RIN3: variants seen among roughly 807,000 people sequenced by gnomAD.
The protein encoded by RIN3 is Ras and Rab interactor 3, also known as RAB5 interacting protein 3.
In RIN3, 54 loss-of-function variants were observed where a neutral mutation model predicts 76.3. That is an observed-to-expected ratio of 0.71 (90% confidence interval 0.57 to 0.89). The LOEUF (loss-of-function observed/expected upper bound fraction) is 0.89, where lower values mean the gene tolerates loss of function less well. Among genes scored for constraint, RIN3 ranks in the 40% least tolerant of loss-of-function variants. The pLI is 0.00. For synonymous variants in RIN3, 576 were observed against 564.0 expected (o/e 1.02, Z -0.30); for missense variants, 1,256 against 1,322.1 (o/e 0.95, Z 0.78).
chr14:92,515,367 C>T (rs1291450772), intron 1 of RIN3: 5 of 619,066 alleles, frequency 8.1e-6, no homozygotes, highest in East Asian at 2.9e-5. Context: ...GGGGCCAGGG[C>T]GCTGGCCTCA....
intron 2 of RIN3, among the ~76,000 whole-genome samples, chr14:92,563,136 G>T (rs1209965965): frequency 6.6e-6 from 1 of 152,168 alleles, no homozygotes; most frequent in East Asian, 1.9e-4. Context: ...GAGGTGGGTG[G>T]ATCACCTGAG....
intron 2 of RIN3, among the ~76,000 whole-genome samples, chr14:92,560,512 G>C (rs865822273): frequency 6.6e-6 from 1 of 152,156 alleles, no homozygotes; most frequent in Non-Finnish European, 1.5e-5. Context: ...GATCTTACTT[G>C]ATCCTCAGCG....
chr14:92,630,555 G>C (rs1371329824), intron 4 of RIN3, among the ~76,000 whole-genome samples: 1 of 152,226 alleles, frequency 6.6e-6, no homozygotes, highest in Non-Finnish European at 1.5e-5. Context: ...CATGAATTGG[G>C]CCATAGGGGT....
At chr14:92,627,204 T>C (rs916950701) in intron 4 of RIN3, among the ~76,000 whole-genome samples, 4 of 152,192 alleles carry the variant, frequency 2.6e-5, no homozygotes, top group African/African-American at 9.7e-5. Flanking sequence ...TGACTGTGTG[T>C]GTGGCCCAAT....
intron 7 of RIN3, among the ~76,000 whole-genome samples, chr14:92,662,138 G>A (rs12432086): frequency 0.046 from 6,992 of 152,306 alleles, 557 homozygotes; most frequent in African/African-American, 0.16. Flanking sequence ...ATGAGGCGGA[G>A]GGTTAAGACC....
At chr14:92,583,817 G>A (rs1884655184) in intron 3 of RIN3, among the ~76,000 whole-genome samples, 1 of 152,190 alleles carries the variant, frequency 6.6e-6, no homozygotes, top group African/African-American at 2.4e-5. Context: ...GATGGGGGAT[G>A]GTTTCTGGGT....
intron 4 of RIN3, among the ~76,000 whole-genome samples, chr14:92,628,574 G>A (rs1043504022): frequency 2.0e-5 from 3 of 152,126 alleles, no homozygotes; most frequent in African/African-American, 7.2e-5. Context: ...CTGACTTTTA[G>A]CATCCTTGTA....
Position 92,652,936 on chromosome 14 carries a change from G to C in RIN3, c.1887G>C (p.Glu629Asp). 1 of 1,613,956 alleles carries C rather than the reference G, an allele frequency of 6.2e-7. No homozygotes were observed. The highest frequency in any genetic ancestry group is 8.5e-7 in the Non-Finnish European group (1 of 1,180,040). ...AGGACTACAAGGTGTACAGCCTGGAGATGATGGCGCGCCAGACCTCCAGCA... is the reference window on the plus strand; with the variant it reads ...AGGACTACAAGGTGTACAGCCTGGACATGATGGCGCGCCAGACCTCCAGCA... ...LVQDYKVYSL[E>D]MMARQTSSTE... Residue 629 changes from glutamate to aspartate, a missense_variant, in exon 6 of 10, where the codon GAG (glutamate) becomes GAC (aspartate). Transcript: ENST00000216487. The surrounding 1 kb of genome is among the most constrained non-coding windows in gnomAD (Gnocchi z 6.4).
At chr14:92,532,259 G>T (rs994089241) in intron 1 of RIN3, among the ~76,000 whole-genome samples, 1 of 152,118 alleles carries the variant, frequency 6.6e-6, no homozygotes, top group Non-Finnish European at 1.5e-5. Flanking sequence ...CTTAAAGAGG[G>T]AGGGAGACTT....
intron 1 of RIN3, among the ~76,000 whole-genome samples, chr14:92,527,550 ACT>A (rs1359073548): frequency 6.6e-6 from 1 of 151,946 alleles, no homozygotes; most frequent in African/African-American, 2.4e-5. Context: ...AGTAAAAGTC[ACT>A]CTCTTTAGTG....
chr14:92,588,288 C>T (rs902253754), intron 3 of RIN3, among the ~76,000 whole-genome samples: 7 of 131,002 alleles, frequency 5.3e-5, no homozygotes, highest in East Asian at 2.4e-4. Flanking sequence ...AGTGCAGTGG[C>T]GCGATCTCTG....
At chr14:92,683,098 C>T (rs1006054801) in intron 8 of RIN3, among the ~76,000 whole-genome samples, 6 of 151,790 alleles carry the variant, frequency 4.0e-5, no homozygotes, top group Admixed American at 6.6e-5. Context: ...ACCTGGGAGG[C>T]GGAGGTTGCA....
At chr14:92,525,772 G>A (rs1279807837) in intron 1 of RIN3, among the ~76,000 whole-genome samples, 3 of 152,176 alleles carry the variant, frequency 2.0e-5, no homozygotes, top group African/African-American at 7.2e-5. Flanking sequence ...GGCCTGCATG[G>A]CACTGCACCA....
rs186126541 is a variant in RIN3 at position 92,568,711 on chromosome 14, G to A, written c.250-8649G>A. On this transcript the variant is annotated intron_variant, in intron 2 of 9. Transcript: ENST00000216487. The surrounding 1 kb of genome is among the most constrained non-coding windows in gnomAD (Gnocchi z 4.2). ...GTCCGTCCCTGCCCCACTCTCCATC[G>A]TGAACTCACAGCCTCCAGCCTCCTC... 1.3e-5 allele frequency among the ~76,000 whole-genome samples: 2 copies of A among 152,218 alleles called. No individual in the cohort carries two copies. The highest frequency in any genetic ancestry group is 2.4e-5 in the African/African-American group (1 of 41,448).
At chr14:92,621,883 A>G (rs1886196005) in intron 4 of RIN3, among the ~76,000 whole-genome samples, 1 of 152,244 alleles carries the variant, frequency 6.6e-6, no homozygotes, top group Admixed American at 6.5e-5. Context: ...AGATAGCAAT[A>G]CAAGCTTACT....
chr14:92,633,774 A>C (rs1293940567), intron 4 of RIN3, among the ~76,000 whole-genome samples: 1 of 152,140 alleles, frequency 6.6e-6, no homozygotes, highest in African/African-American at 2.4e-5. Flanking sequence ...TTTCTTTTTA[A>C]TGAAAAAGTA....
At chr14:92,605,156 C>T (rs1037963419) in intron 3 of RIN3, among the ~76,000 whole-genome samples, 1 of 152,020 alleles carries the variant, frequency 6.6e-6, no homozygotes, top group African/African-American at 2.4e-5. Flanking sequence ...AGGGATCCAC[C>T]CACCTTGGCC....
chr14:92,518,754 C>G (rs1300730401), intron 1 of RIN3, among the ~76,000 whole-genome samples: 1 of 148,254 alleles, frequency 6.7e-6, no homozygotes, highest in Non-Finnish European at 1.5e-5. Context: ...ATGCGGGTCT[C>G]TGGACCACTG....
chr14:92,632,280 G>A (rs938146678), intron 4 of RIN3, among the ~76,000 whole-genome samples: 1 of 151,360 alleles, frequency 6.6e-6, no homozygotes, highest in South Asian at 2.1e-4. Flanking sequence ...GGGTGGGTGG[G>A]GTGTCAGCAG....
Sources: gnomAD v4.1 joint callset for allele counts (sites outside exome capture counted in the v4.1 genomes callset) on GRCh38, gnomAD v4.1.1 for gene constraint, Gnocchi (gnomAD v3.1) non-coding constraint, MANE v1.5 for transcripts, NCBI Gene and HGNC (gene_info 2026-07-23, HGNC 2026-07-21) for gene names.